EIF4G3: variants seen among roughly 807,000 people sequenced by gnomAD.
The protein encoded by EIF4G3 is eIF-4-gamma 3.
A neutral mutation model predicts 186.4 loss-of-function variants in EIF4G3; 34 were observed. The ratio of observed to expected loss-of-function variants is 0.18; its 90% CI spans 0.14 to 0.24. The LOEUF (loss-of-function observed/expected upper bound fraction) is 0.24, where lower values mean the gene tolerates loss of function less well. EIF4G3 is among the 10% of genes least tolerant of loss of function. The pLI, the probability that EIF4G3 is intolerant of heterozygous loss-of-function variation, is 1.00. For missense variants in EIF4G3, 1,536 were observed against 1,948.5 expected (o/e 0.79, Z 3.99); for synonymous variants, 673 against 679.5 (o/e 0.99, Z 0.15).
chr1:20,844,900 C>A (rs1446275017), intron 29 of EIF4G3, among the ~76,000 whole-genome samples: 1 of 152,084 alleles, frequency 6.6e-6, no homozygotes, highest in Non-Finnish European at 1.5e-5. Context: ...GCAAACATTT[C>A]CTCCTATTCT....
chr1:20,865,702 G>C (rs1388073059), intron 20 of EIF4G3, among the ~76,000 whole-genome samples: 2 of 152,138 alleles, frequency 1.3e-5, no homozygotes, highest in Non-Finnish European at 2.9e-5. Flanking sequence ...TGTTGTAGGT[G>C]AGATCCTTAT....
chr1:20,836,693 T>C (rs774375293), intron 30 of EIF4G3, among the ~76,000 whole-genome samples: 8 of 152,226 alleles, frequency 5.3e-5, no homozygotes, highest in Non-Finnish European at 1.2e-4. Flanking sequence ...CTAGGGTACA[T>C]ATTTTGTGTC....
intron 23 of EIF4G3, among the ~76,000 whole-genome samples, chr1:20,861,382 GAAAAACAA>G (rs1018477073): frequency 6.6e-5 from 10 of 150,906 alleles, no homozygotes; most frequent in South Asian, 2.1e-4. Flanking sequence ...AGAGAAATGA[GAAAAACAA>G]AAAAACAAAA....
chr1:20,908,569 C>T (rs544167154), intron 14 of EIF4G3, among the ~76,000 whole-genome samples: 1 of 152,032 alleles, frequency 6.6e-6, no homozygotes, highest in African/African-American at 2.4e-5. Context: ...TCAAAAAGAG[C>T]GCACCTTACA....
Position 20,886,241 on chromosome 1 carries a change from C to T in EIF4G3, c.2384G>A (p.Arg795Gln), listed in dbSNP as rs759544375. The T allele has an allele frequency of 2.5e-5, 41 of 1,613,754 alleles. No individual in the cohort carries two copies. The highest frequency in any genetic ancestry group is 3.3e-5 in the Non-Finnish European group (39 of 1,179,914). Reference sequence around the variant, plus strand: ...TTCGGGATCATCGGCTTGGCTGTCTCGTTTTTGGCTTGGCTTCCAGGCATT... The same window carrying T: ...TTCGGGATCATCGGCTTGGCTGTCTTGTTTTTGGCTTGGCTTCCAGGCATT... The part of the protein sequence containing the change: ...AENAWKPSQK[R>Q]DSQADDPENI... Residue 795 changes from arginine to glutamine, a missense_variant, in exon 19 of 37, where the codon CGA (arginine) becomes CAA (glutamine). This residue lies in a region of EIF4G3 where 139 missense variants were observed against 192.8 expected (regional missense o/e 0.72). Transcript: ENST00000602326.
chr1:20,820,718 A>G (rs2062131398), intron 33 of EIF4G3, among the ~76,000 whole-genome samples: 1 of 152,098 alleles, frequency 6.6e-6, no homozygotes. Context: ...AGGGTAGCAG[A>G]TGGGCAGAGG....
At chr1:21,074,155 C>T (rs1487663870) in intron 3 of EIF4G3, among the ~76,000 whole-genome samples, 1 of 152,108 alleles carries the variant, frequency 6.6e-6, no homozygotes, top group Non-Finnish European at 1.5e-5. Context: ...TCAACAGTGA[C>T]ACTACTGCCA....
At chr1:20,946,618 C>T (rs550248165) in intron 13 of EIF4G3, among the ~76,000 whole-genome samples, 2 of 152,172 alleles carry the variant, frequency 1.3e-5, no homozygotes, top group Non-Finnish European at 2.9e-5. Context: ...GTGCCAGGAA[C>T]TGGGTCAAAT....
intron 34 of EIF4G3, among the ~76,000 whole-genome samples, chr1:20,814,279 T>C (rs2059905193): frequency 6.6e-6 from 1 of 152,148 alleles, no homozygotes; most frequent in Non-Finnish European, 1.5e-5. Flanking sequence ...ATGAATCACA[T>C]TTTTGCACAT....
At chr1:20,940,672 T>C (rs1033331777) in intron 14 of EIF4G3, among the ~76,000 whole-genome samples, 15 of 152,222 alleles carry the variant, frequency 9.9e-5, no homozygotes, top group African/African-American at 1.4e-4. Context: ...GGAAATTATA[T>C]AGCATAGGGC....
At chr1:21,131,283 T>A (rs1275501234) in intron 2 of EIF4G3, among the ~76,000 whole-genome samples, 1 of 141,476 alleles carries the variant, frequency 7.1e-6, no homozygotes, top group Admixed American at 7.1e-5. Context: ...TACATTAAGA[T>A]GTATCAACAG....
At chr1:20,833,458 G>A (rs373753635) in intron 30 of EIF4G3, among the ~76,000 whole-genome samples, 1 of 151,834 alleles carries the variant, frequency 6.6e-6, no homozygotes, top group South Asian at 2.1e-4. Context: ...CATTGATTTT[G>A]TATCCTGAGA....
chr1:21,040,310 G>T (rs2093489884), intron 4 of EIF4G3, among the ~76,000 whole-genome samples: 1 of 152,208 alleles, frequency 6.6e-6, no homozygotes, highest in Admixed American at 6.5e-5. Context: ...ACACATGGAA[G>T]TTGCTGGAGG....
At chr1:20,915,611 CA>C (rs966063351) in intron 14 of EIF4G3, among the ~76,000 whole-genome samples, 3 of 151,294 alleles carry the variant, frequency 2.0e-5, no homozygotes, top group Non-Finnish European at 3.0e-5. Flanking sequence ...AGTTAATAAA[CA>C]AAAAAAACCA....
intron 4 of EIF4G3, among the ~76,000 whole-genome samples, chr1:21,030,676 A>G (rs993783392): frequency 3.3e-5 from 5 of 152,236 alleles, no homozygotes; most frequent in African/African-American, 1.2e-4. Context: ...AAAATTTTCT[A>G]GGTCACCAGA....
chr1:20,809,946 G>T (rs1263314689), intron 36 of EIF4G3, among the ~76,000 whole-genome samples: 1 of 151,950 alleles, frequency 6.6e-6, no homozygotes, highest in African/African-American at 2.4e-5. Context: ...TTCTTGTTGT[G>T]ATATTTTCAT....
At chr1:21,025,425 A>G (rs773180790) in intron 4 of EIF4G3, among the ~76,000 whole-genome samples, 2 of 152,170 alleles carry the variant, frequency 1.3e-5, no homozygotes, top group African/African-American at 2.4e-5. Context: ...TAAGGGCCTG[A>G]TAACAGCAGT....
At chr1:20,909,913 C>T (rs1346642115) in intron 14 of EIF4G3, among the ~76,000 whole-genome samples, 1 of 151,898 alleles carries the variant, frequency 6.6e-6, no homozygotes, top group Non-Finnish European at 1.5e-5. Flanking sequence ...TCCCCAGTAG[C>T]TGGGACCACA....
chr1:20,918,672 G>T (rs995455002), intron 14 of EIF4G3, among the ~76,000 whole-genome samples: 1 of 141,304 alleles, frequency 7.1e-6, no homozygotes, highest in African/African-American at 2.6e-5. Flanking sequence ...TTCTTACCAC[G>T]AAAACTTTTA....
Sources: gnomAD v4.1 joint callset for allele counts (sites outside exome capture counted in the v4.1 genomes callset) on GRCh38, gnomAD v4.1.1 for gene constraint, gnomAD v4.1.1 regional missense constraint, MANE v1.5 for transcripts, NCBI Gene and HGNC (gene_info 2026-07-23, HGNC 2026-07-21) for gene names.